The following SEPTIN14 variants were observed in gnomAD, a reference collection of about 807,000 sequenced individuals.
The protein encoded by SEPTIN14 is septin 14.
A neutral mutation model predicts 53.6 loss-of-function variants in SEPTIN14; 40 were observed. That is an observed-to-expected ratio of 0.75 (90% CI 0.58 to 0.97). The LOEUF is 0.97. SEPTIN14 is among the 50% of genes least tolerant of loss of function. SEPTIN14 has a pLI of 0.00. For missense variants in SEPTIN14, 471 were observed against 508.2 expected (o/e 0.93, Z 0.70); for synonymous variants, 138 against 166.8 (o/e 0.83, Z 1.33).
At position 55,846,759 on chromosome 7, in the gene SEPTIN14, G is replaced by A. The variant is rs1210141120; in HGVS notation, c.55-122C>T. ...ATTATCATTTGCTTATCATACCTCA[G>A]ACAAGATGCAAATATATTAAGTAAA... On this transcript the variant is annotated intron_variant, in intron 2 of 9. Transcript: ENST00000388975. The A allele has an allele frequency of 1.4e-5, 8 of 562,290 alleles. No individual in the cohort carries two copies. In the South Asian group the frequency reaches 1.7e-4, roughly 12 times the overall value. The allele number at this position is 562,290 out of a possible 1,614,324, so 34.8% of individuals were successfully genotyped here. A position where few individuals can be genotyped will look rare whatever the true frequency, so the allele number is the denominator to read the frequency against.
At chr7:55,860,572 A>G (rs1789726660) in intron 2 of SEPTIN14, among the ~76,000 whole-genome samples, 1 of 152,220 alleles carries the variant, frequency 6.6e-6, no homozygotes, top group Admixed American at 6.5e-5. Context: ...TAAATATTCC[A>G]GGTAATAGAT....
intron 7 of SEPTIN14, chr7:55,811,329 A>G (rs1368502201): frequency 2.0e-6 from 1 of 508,578 alleles, no homozygotes; most frequent in Non-Finnish European, 4.0e-6. Flanking sequence ...TTTGCAGTCG[A>G]AGTCTTTAAG....
At chr7:55,820,631 G>T (rs142823790) in intron 6 of SEPTIN14, among the ~76,000 whole-genome samples, 1 of 152,108 alleles carries the variant, frequency 6.6e-6, no homozygotes, top group Non-Finnish European at 1.5e-5. Context: ...ATCTAAATCT[G>T]TATACTTTCA....
chr7:55,799,518 C>CAAAAAAAA (rs59445168), intron 9 of SEPTIN14, among the ~76,000 whole-genome samples: 1 of 62,894 alleles, frequency 1.6e-5, no homozygotes, highest in African/African-American at 5.5e-5. Flanking sequence ...ACTCTTGTCT[C>CAAAAAAAA]AAAAAAAAAA....
intron 9 of SEPTIN14, among the ~76,000 whole-genome samples, chr7:55,799,517 TCAA>T (rs1788489998): frequency 1.8e-5 from 1 of 54,212 alleles, no homozygotes; most frequent in Non-Finnish European, 3.0e-5. Flanking sequence ...GACTCTTGTC[TCAA>T]AAAAAAAAAA....
At chr7:55,807,043 G>C in intron 8 of SEPTIN14, 47 bp downstream of exon 8, 1 of 1,341,424 alleles carries the variant, frequency 7.5e-7, no homozygotes, top group Non-Finnish European at 1.0e-6. Flanking sequence ...TGTTTGTAGG[G>C]ACTCCTAAAT....
intron 7 of SEPTIN14, among the ~76,000 whole-genome samples, chr7:55,808,598 C>G (rs1788646306): frequency 6.6e-6 from 1 of 152,132 alleles, no homozygotes; most frequent in Admixed American, 6.6e-5. Flanking sequence ...GTCACCCAGG[C>G]TGGAGTGCAG....
At chr7:55,834,316 G>A in intron 6 of SEPTIN14, 109 bp downstream of exon 6, 2 of 692,840 alleles carry the variant, frequency 2.9e-6, no homozygotes, top group Non-Finnish European at 4.6e-6. Context: ...ACAAAGAATC[G>A]ATTCTCAGCA....
At chr7:55,798,659 G>C (rs1177885913) in intron 9 of SEPTIN14, 1 of 315,964 alleles carries the variant, frequency 3.2e-6, no homozygotes, top group East Asian at 9.1e-5. Flanking sequence ...AGCGGCACCA[G>C]GCTCTGGCAG....
intron 5 of SEPTIN14, among the ~76,000 whole-genome samples, chr7:55,840,305 A>G (rs527767647): frequency 4.0e-4 from 61 of 151,544 alleles, no homozygotes; most frequent in Admixed American, 4.0e-3. Context: ...CCTGGCCAAC[A>G]TGGTGAAACT....
Position 55,819,242 on chromosome 7 carries a change from ATGAAT to A in SEPTIN14, c.721-24_721-20del, listed in dbSNP as rs200028817. 2.6e-3 allele frequency: 3,767 copies of A among 1,440,208 alleles called. 74 individuals carry two copies. The African/African-American group carries it at 0.042, about 16-fold the overall frequency. The allele number at this position is 1,440,208 out of a possible 1,614,324, so 89.2% of individuals were successfully genotyped here. A position where few individuals can be genotyped will look rare whatever the true frequency, so the allele number is the denominator to read the frequency against. On this transcript the variant is annotated intron_variant, in intron 6 of 9. Coordinates refer to ENST00000388975, the MANE Select transcript of SEPTIN14 (RefSeq NM_207366.3). ...ACAGCCCCTAGAAAACAAGAATGACATGAATTGAATTCTCTAGCACCATTAGAGCT... is the reference window on the plus strand; with the variant it reads ...ACAGCCCCTAGAAAACAAGAATGACATGAATTCTCTAGCACCATTAGAGCT...
intron 5 of SEPTIN14, among the ~76,000 whole-genome samples, chr7:55,840,004 G>A (rs1410434500): frequency 6.6e-6 from 1 of 151,394 alleles, no homozygotes; most frequent in South Asian, 2.1e-4. Flanking sequence ...AATTAGCTGG[G>A]TGTAGTGGTG....
intron 7 of SEPTIN14, among the ~76,000 whole-genome samples, chr7:55,815,116 ATC>A (rs1484601554): frequency 6.6e-6 from 1 of 152,206 alleles, no homozygotes; most frequent in African/African-American, 2.4e-5. Flanking sequence ...CTAGACTTTT[ATC>A]TCTCAACACA....
At chr7:55,802,685 G>C (rs1040392818) in intron 9 of SEPTIN14, among the ~76,000 whole-genome samples, 1 of 151,878 alleles carries the variant, frequency 6.6e-6, no homozygotes, top group Admixed American at 6.6e-5. Context: ...ACTTGGGTCT[G>C]ACAATGATTT....
chr7:55,853,811 C>A (rs1187325114), intron 2 of SEPTIN14, among the ~76,000 whole-genome samples: 2 of 151,874 alleles, frequency 1.3e-5, no homozygotes, highest in Non-Finnish European at 1.5e-5. Context: ...CTGCTATGTA[C>A]CCATAAAAAT....
intron 6 of SEPTIN14, among the ~76,000 whole-genome samples, chr7:55,833,457 C>T (rs1018596376): frequency 1.4e-4 from 21 of 151,780 alleles, no homozygotes; most frequent in South Asian, 6.3e-4. Flanking sequence ...CGGCCAGGCA[C>T]GGTGGCTCAC....
At chr7:55,841,796 A>G (rs986434300) in intron 5 of SEPTIN14, among the ~76,000 whole-genome samples, 4 of 149,582 alleles carry the variant, frequency 2.7e-5, no homozygotes, top group Non-Finnish European at 5.9e-5. Context: ...TGGAGGTTGC[A>G]GTGAGCCCAG....
intron 6 of SEPTIN14, among the ~76,000 whole-genome samples, chr7:55,826,156 ATT>A (rs1238845413): frequency 1.3e-5 from 2 of 151,832 alleles, no homozygotes; most frequent in African/African-American, 4.8e-5. Context: ...AATAATTATT[ATT>A]TTCTTTGCTT....
chr7:55,843,083 A>C lies in SEPTIN14; in HGVS notation c.417T>G (p.Tyr139Ter). 2 of 1,606,302 alleles carry C rather than the reference A, an allele frequency of 1.2e-6. No individual in the cohort carries two copies. The highest frequency in any genetic ancestry group is 1.7e-6 in the Non-Finnish European group (2 of 1,177,792). The change falls in exon 5 of 10, where the codon TAT becomes TAG. Residue 139 changes from tyrosine (Y) to a stop codon, truncating the protein, a stop_gained. Coordinates refer to ENST00000388975, the MANE Select transcript of SEPTIN14 (RefSeq NM_207366.3). LOFTEE classifies it high-confidence loss of function. ...VDYIDAQFEA[Y>*]LQEELKIKRS... ...GTTTAATCTTCAGTTCTTCTTGAAG[A>C]TAGGCCTCAAATTGGGCATCTATGT...
Sources: allele counts gnomAD v4.1 joint callset (sites outside exome capture counted in the v4.1 genomes callset), GRCh38; gene constraint gnomAD v4.1.1; transcripts MANE v1.5; gene names NCBI Gene and HGNC (gene_info 2026-07-23, HGNC 2026-07-21).